Variants in BCAT1 observed in about 807,000 individuals in gnomAD.
BCAT1 encodes branched chain amino acid transaminase 1.
In BCAT1, 48 loss-of-function variants were observed where a neutral mutation model predicts 52.4. The ratio of observed to expected loss-of-function variants is 0.92; its 90% CI spans 0.73 to 1.16. The LOEUF is 1.16. Among genes scored for constraint, BCAT1 ranks in the 50% most tolerant of loss-of-function variants. The pLI is 0.00. For synonymous variants in BCAT1, 167 were observed against 161.3 expected (o/e 1.04, Z -0.27); for missense variants, 451 against 457.1 (o/e 0.99, Z 0.12).
chr12:24,892,770 T>C (rs1942878853), intron 3 of BCAT1, among the ~76,000 whole-genome samples: 1 of 152,194 alleles, frequency 6.6e-6, no homozygotes, highest in African/African-American at 2.4e-5. Context: ...CGAGGTTTGC[T>C]TGAGCCCAGG....
Position 24,878,585 on chromosome 12 carries a change from A to G in BCAT1, c.455T>C (p.Val152Ala). Residue 152 changes from valine (V) to alanine (A), a missense_variant, in exon 5 of 11, where the codon GTC becomes GCC. Physicochemically the swap from Val to Ala is moderately conservative, Grantham distance 64. Coordinates refer to ENST00000261192, the MANE Select transcript of BCAT1 (RefSeq NM_005504.7). ...QQLVKLDQEW[V>A]PYSTSASLYI... ...CAGACTAGCAGATGTTGAATATGGG[A>G]CCCATTCTTGATCCAATTTCACAAG... The G allele has an allele frequency of 3.1e-6, 5 of 1,611,212 alleles. No individual in the cohort carries two copies. Among genetic ancestry groups the G allele is most frequent in the Non-Finnish European group, 4.2e-6 (5 of 1,177,648 alleles).
intron 1 of BCAT1, among the ~76,000 whole-genome samples, chr12:24,944,407 T>G (rs1436964286): frequency 6.6e-6 from 1 of 152,230 alleles, no homozygotes; most frequent in African/African-American, 2.4e-5. Context: ...AAATCCACCC[T>G]TGGCCTCATC....
chr12:24,845,068 G>T (rs1941302332), intron 6 of BCAT1, among the ~76,000 whole-genome samples: 1 of 149,918 alleles, frequency 6.7e-6, no homozygotes, highest in African/African-American at 2.5e-5. Context: ...TAAAAAACTA[G>T]CTGGGTTTGG....
At chr12:24,872,231 T>C (rs1013443934) in intron 5 of BCAT1, among the ~76,000 whole-genome samples, 13 of 152,248 alleles carry the variant, frequency 8.5e-5, no homozygotes, top group Admixed American at 7.8e-4. Flanking sequence ...TTTAACAAGG[T>C]GATAAAAGGA....
At chr12:24,920,656 C>T (rs1943488345) in intron 1 of BCAT1, among the ~76,000 whole-genome samples, 1 of 152,148 alleles carries the variant, frequency 6.6e-6, no homozygotes, top group African/African-American at 2.4e-5. Context: ...TGGACACAAG[C>T]TAGGTGTCCT....
At chr12:24,864,307 C>T (rs529953286) in intron 5 of BCAT1, among the ~76,000 whole-genome samples, 16 of 152,222 alleles carry the variant, frequency 1.1e-4, no homozygotes, top group African/African-American at 3.6e-4. Flanking sequence ...TCCCACTGTG[C>T]TGGCCCTAGA....
intron 5 of BCAT1, among the ~76,000 whole-genome samples, chr12:24,875,709 C>G (rs1447395669): frequency 1.3e-5 from 2 of 152,074 alleles, no homozygotes; most frequent in Non-Finnish European, 2.9e-5. Context: ...CTCGGTGATT[C>G]AAATGCAAAA....
chr12:24,940,498 C>T (rs1010987537), intron 1 of BCAT1, among the ~76,000 whole-genome samples: 4 of 152,066 alleles, frequency 2.6e-5, no homozygotes, highest in Non-Finnish European at 1.5e-5. Context: ...GAACTACTGA[C>T]AATATTAATA....
chr12:24,927,197 A>G (rs905792926), intron 1 of BCAT1, among the ~76,000 whole-genome samples: 15 of 152,176 alleles, frequency 9.9e-5, no homozygotes, highest in Non-Finnish European at 1.9e-4. Context: ...AATCCCGGCT[A>G]TTTGGGAAGG....
chr12:24,829,554 C>T (rs1940558938), intron 10 of BCAT1, among the ~76,000 whole-genome samples: 1 of 152,018 alleles, frequency 6.6e-6, no homozygotes, highest in South Asian at 2.1e-4. Context: ...CCAAAAATTA[C>T]ATCTATTTTT....
At chr12:24,935,295 C>G (rs1473174005) in intron 1 of BCAT1, among the ~76,000 whole-genome samples, 1 of 152,152 alleles carries the variant, frequency 6.6e-6, no homozygotes, top group South Asian at 2.1e-4. Context: ...GGACATGAAG[C>G]CAAGGCATTC....
At position 24,902,967 on chromosome 12, in the gene BCAT1, C is replaced by A. The variant is rs1326953773; in HGVS notation, c.7-1082G>T. ...GGTACCTGGCGGGCAAGGGCCGCAGCGGAGCGAAGCGGGCTGGCCATGGGG... is the reference window on the plus strand; with the variant it reads ...GGTACCTGGCGGGCAAGGGCCGCAGAGGAGCGAAGCGGGCTGGCCATGGGG... On this transcript the variant is annotated intron_variant, in intron 1 of 10. Transcript: ENST00000261192. 7 of 1,497,408 alleles carry A rather than the reference C, an allele frequency of 4.7e-6. No homozygotes were observed. The Admixed American group carries it at 1.1e-4, about 23-fold the overall frequency. 92.8% of individuals were successfully genotyped at this position (1,497,408 alleles called of 1,614,324 possible).
At chr12:24,919,980 T>C (rs1202866598) in intron 1 of BCAT1, among the ~76,000 whole-genome samples, 1 of 152,104 alleles carries the variant, frequency 6.6e-6, no homozygotes, top group East Asian at 1.9e-4. Context: ...CCCAGCCATG[T>C]GGAAATGTGA....
intron 1 of BCAT1, among the ~76,000 whole-genome samples, chr12:24,927,311 A>G (rs1943605220): frequency 6.6e-6 from 1 of 152,210 alleles, no homozygotes. Context: ...CTGTCTCGAA[A>G]AAAAAAGAAA....
chr12:24,859,832 A>C (rs1410956175), intron 5 of BCAT1, among the ~76,000 whole-genome samples: 1 of 152,176 alleles, frequency 6.6e-6, no homozygotes, highest in African/African-American at 2.4e-5. Flanking sequence ...CCTTAAGTCC[A>C]AAAATGACAT....
chr12:24,825,751 T>G (rs1429698759), intron 10 of BCAT1, among the ~76,000 whole-genome samples: 2 of 152,222 alleles, frequency 1.3e-5, no homozygotes, highest in Non-Finnish European at 2.9e-5. Context: ...ACTCTGGTTA[T>G]TAATCCCTTG....
intron 5 of BCAT1, among the ~76,000 whole-genome samples, chr12:24,877,932 T>C (rs1942391977): frequency 6.6e-6 from 1 of 152,100 alleles, no homozygotes; most frequent in South Asian, 2.1e-4. Flanking sequence ...GGTGGGAGGA[T>C]TGCTAGAGGC....
At chr12:24,852,966 T>G (rs1186749841) in intron 5 of BCAT1, among the ~76,000 whole-genome samples, 1 of 152,318 alleles carries the variant, frequency 6.6e-6, no homozygotes, top group East Asian at 1.9e-4. Flanking sequence ...ATGAATAAGA[T>G]CTAACACTAG....
At chr12:24,897,817 G>A (rs143673251) in intron 2 of BCAT1, among the ~76,000 whole-genome samples, 4,116 of 152,262 alleles carry the variant, frequency 0.027, 170 homozygotes, top group African/African-American at 0.091. Flanking sequence ...GCCTCTGAAA[G>A]TGCTGGGATT....
Sources: allele counts gnomAD v4.1 joint callset (sites outside exome capture counted in the v4.1 genomes callset), GRCh38; gene constraint gnomAD v4.1.1; transcripts MANE v1.5; gene names NCBI Gene and HGNC (gene_info 2026-07-23, HGNC 2026-07-21).